OR1B1: variants seen among roughly 807,000 people sequenced by gnomAD.
OR1B1 encodes olfactory receptor family 1 subfamily B member 1.
For missense variants in OR1B1, 414 were observed against 402.1 expected (o/e 1.03, Z -0.25); for synonymous variants, 168 against 156.2 (o/e 1.08, Z -0.57).
chr9:122,631,187 T>C (rs2416890), upstream of OR1B1, among the ~76,000 whole-genome samples: 11,520 of 152,028 alleles, frequency 0.076, 762 homozygotes, highest in East Asian at 0.33. Flanking sequence ...CATACTTTTT[T>C]TTTTTTTGAG....
chr9:122,634,400 G>A (rs1262626802), upstream of OR1B1, among the ~76,000 whole-genome samples: 4 of 151,950 alleles, frequency 2.6e-5, no homozygotes, highest in African/African-American at 9.7e-5. Flanking sequence ...ACCCGAGACT[G>A]GGTGATTTAT....
chr9:122,639,377 G>T, the OR1B1 span, among the ~76,000 whole-genome samples: 1 of 151,984 alleles, frequency 6.6e-6, no homozygotes, highest in Non-Finnish European at 1.5e-5. Context: ...TGATATTATT[G>T]GATATAGCTT....
chr9:122,629,137 G>A (rs1186049726), exon 1 of OR1B1: 5 of 1,614,132 alleles, frequency 3.1e-6, no homozygotes, highest in Non-Finnish European at 4.2e-6. Flanking sequence ...CCAAAGCATA[G>A]TGCAGGGGGT....
upstream of OR1B1, among the ~76,000 whole-genome samples, chr9:122,632,442 G>A (rs533895785): frequency 1.1e-3 from 165 of 152,236 alleles, 1 homozygote; most frequent in South Asian, 0.022. Flanking sequence ...ATTTCCATAG[G>A]TTTTGGAAGA....
chr9:122,654,803 A>C, the OR1B1 span, among the ~76,000 whole-genome samples: 1 of 152,312 alleles, frequency 6.6e-6, no homozygotes, highest in Non-Finnish European at 1.5e-5. Flanking sequence ...TTCAGTCTGC[A>C]TGATGTCCTC....
chr9:122,629,032 A>G (rs1830172543), exon 1 of OR1B1: 1 of 1,613,928 alleles, frequency 6.2e-7, no homozygotes, highest in South Asian at 1.1e-5. Flanking sequence ...CAGTCCAGCA[A>G]AGAGGCAGGA....
chr9:122,629,370 T>A lies in OR1B1; in HGVS notation c.166A>T (p.Arg56Ter), dbSNP rs1438827857. ...AGATAATACATGGGTGAGTGCAGTCTGGAGTCCCAGGAGATGAGCAGCACC... is the reference window on the plus strand; with the variant it reads ...AGATAATACATGGGTGAGTGCAGTCAGGAGTCCCAGGAGATGAGCAGCACC... Residue 56 changes from arginine to a stop codon, truncating the protein, a stop_gained, in exon 1 of 1, where the codon AGA (arginine) becomes TGA (stop). Coordinates refer to ENST00000623530, the Ensembl canonical transcript of OR1B1. LOFTEE classifies it low-confidence loss of function (END_TRUNC). 1.1e-5 allele frequency: 17 copies of A among 1,613,968 alleles called. No individual in the cohort carries two copies. Among genetic ancestry groups the A allele is most frequent in the African/African-American group, 2.7e-5 (2 of 74,890 alleles).
rs1026578957 is a variant in OR1B1 at position 122,629,358 on chromosome 9, G to T, written c.178C>A (p.Pro60Thr). 4 of 1,613,992 alleles carry T rather than the reference G, an allele frequency of 2.5e-6. No individual in the cohort carries two copies. In the African/African-American group the frequency reaches 4.0e-5, roughly 16 times the overall value. The change falls in exon 1 of 1, where the codon CCC becomes ACC. Residue 60 changes from proline to threonine, a missense_variant. Pro to Thr is a conservative substitution (Grantham distance 38, BLOSUM62 -1). Coordinates refer to ENST00000623530, the Ensembl canonical transcript of OR1B1. ...AGGCCACGAAGCAGATAATACATGGGTGAGTGCAGTCTGGAGTCCCAGGAG... is the reference window on the plus strand; with the variant it reads ...AGGCCACGAAGCAGATAATACATGGTTGAGTGCAGTCTGGAGTCCCAGGAG...
the OR1B1 span, among the ~76,000 whole-genome samples, chr9:122,647,839 T>C: frequency 1.3e-5 from 2 of 152,322 alleles, no homozygotes; most frequent in Non-Finnish European, 2.9e-5. Flanking sequence ...GCTGAATAAA[T>C]GGACAGTGGG....
At chr9:122,642,664 AAATC>A in the OR1B1 span, among the ~76,000 whole-genome samples, 1 of 152,292 alleles carries the variant, frequency 6.6e-6, no homozygotes, top group African/African-American at 2.4e-5. Context: ...TAGAGAAGAC[AAATC>A]AATCAATGCC....
the OR1B1 span, among the ~76,000 whole-genome samples, chr9:122,647,726 C>A: frequency 1.3e-5 from 2 of 152,084 alleles, no homozygotes; most frequent in African/African-American, 2.4e-5. Context: ...TAACTCAATC[C>A]CCATATTTGA....
the OR1B1 span, among the ~76,000 whole-genome samples, chr9:122,635,317 A>C: frequency 6.6e-6 from 1 of 152,206 alleles, no homozygotes; most frequent in East Asian, 1.9e-4. Flanking sequence ...TACGTTTTAA[A>C]AACTAAATAC....
the OR1B1 span, among the ~76,000 whole-genome samples, chr9:122,647,684 G>T: frequency 6.6e-6 from 1 of 152,148 alleles, no homozygotes; most frequent in Non-Finnish European, 1.5e-5. Context: ...GTGAATCCAG[G>T]TTTTTCAGCT....
At chr9:122,640,200 T>C in the OR1B1 span, among the ~76,000 whole-genome samples, 1 of 152,236 alleles carries the variant, frequency 6.6e-6, no homozygotes, top group East Asian at 1.9e-4. Flanking sequence ...CTTCTAGATA[T>C]TTGCTTTTGT....
chr9:122,630,804 G>C (rs145474155), upstream of OR1B1, among the ~76,000 whole-genome samples: 6 of 151,568 alleles, frequency 4.0e-5, no homozygotes, highest in African/African-American at 1.5e-4. Flanking sequence ...GCCTCCCAGG[G>C]TCAAGTGATT....
At chr9:122,638,167 T>C in the OR1B1 span, among the ~76,000 whole-genome samples, 3 of 152,142 alleles carry the variant, frequency 2.0e-5, no homozygotes, top group African/African-American at 7.2e-5. Context: ...TCTAGAAATA[T>C]GCAGGAAAAT....
At chr9:122,649,589 G>A in the OR1B1 span, among the ~76,000 whole-genome samples, 2 of 152,124 alleles carry the variant, frequency 1.3e-5, no homozygotes, top group Non-Finnish European at 2.9e-5. Flanking sequence ...GTGGGCAAAG[G>A]ATATAAGCAG....
At chr9:122,629,587 G>C (rs1232834932), upstream of OR1B1, 1 of 1,126,540 alleles carries the variant, frequency 8.9e-7, no homozygotes, top group East Asian at 2.4e-5. Flanking sequence ...AGAAAGTCAT[G>C]GGTCTGATGT....
chr9:122,629,017 A>G (rs1169845857), exon 1 of OR1B1: 1 of 1,614,080 alleles, frequency 6.2e-7, no homozygotes, highest in Admixed American at 1.7e-5. Context: ...TGCCCCCAGC[A>G]TCCCCAGTCC....
Sources: allele counts gnomAD v4.1 joint callset (sites outside exome capture counted in the v4.1 genomes callset), GRCh38; gene constraint gnomAD v4.1.1; transcripts MANE v1.5; gene names NCBI Gene and HGNC (gene_info 2026-07-23, HGNC 2026-07-21).